RHBDL3: variants seen among roughly 807,000 people sequenced by gnomAD.
RHBDL3 encodes rhomboid-related protein 3.
RHBDL3 carries 28 observed loss-of-function variants against 48.2 expected under a neutral mutation model. The ratio of observed to expected loss-of-function variants is 0.58; its 90% CI spans 0.43 to 0.80. RHBDL3 has a LOEUF of 0.80. RHBDL3 is among the 30% of genes least tolerant of loss of function. The pLI, the probability that RHBDL3 is intolerant of heterozygous loss-of-function variation, is 0.00. For missense variants in RHBDL3, 464 were observed against 542.7 expected (o/e 0.85, Z 1.44); for synonymous variants, 208 against 232.3 (o/e 0.90, Z 0.95).
At chr17:32,297,915 C>G (rs116199809) in intron 5 of RHBDL3, among the ~76,000 whole-genome samples, 177 bp from the exon 6 acceptor site, 107 of 152,250 alleles carry the variant, frequency 7.0e-4, no homozygotes, top group African/African-American at 2.5e-3. Context: ...ACACTCTTTC[C>G]AAGATGGTCT....
At chr17:32,282,745 C>G (rs549387887) in intron 2 of RHBDL3, among the ~76,000 whole-genome samples, 1 of 152,120 alleles carries the variant, frequency 6.6e-6, no homozygotes, top group South Asian at 2.1e-4. Flanking sequence ...GCCTCAGCCT[C>G]CCAAGTAGCT....
chr17:32,320,633 C>A (rs1356150112), intron 8 of RHBDL3, among the ~76,000 whole-genome samples: 1 of 152,228 alleles, frequency 6.6e-6, no homozygotes, highest in African/African-American at 2.4e-5. Context: ...CAAATGTCAC[C>A]TCTTTAGAGA....
Position 32,321,607 on chromosome 17 carries a change from C to T in RHBDL3, c.*378C>T, listed in dbSNP as rs557824935. On this transcript the variant is annotated 3_prime_UTR_variant, in exon 9 of 9. Coordinates refer to ENST00000269051, the MANE Select transcript of RHBDL3 (RefSeq NM_138328.3). The stretch of plus-strand genomic sequence containing the variant: ...TTCCTCCTCCTCTACCCTCAGAGAC[C>T]CTAAGAGACATGGGAAGGCTCGAAG... 5.0e-5 allele frequency: 19 copies of T among 378,824 alleles called. No homozygotes were observed. The highest frequency in any genetic ancestry group is 3.9e-4 in the African/African-American group (19 of 48,352). The allele number at this position is 378,824 out of a possible 1,614,324, so 23.5% of individuals were successfully genotyped here.
intron 2 of RHBDL3, among the ~76,000 whole-genome samples, chr17:32,269,760 T>C (rs923931265): frequency 1.3e-5 from 2 of 152,290 alleles, no homozygotes; most frequent in East Asian, 3.9e-4. Flanking sequence ...TCTTTTTTTT[T>C]CTCTGTCTGT....
intron 2 of RHBDL3, among the ~76,000 whole-genome samples, chr17:32,276,503 A>G (rs578193143): frequency 6.6e-6 from 1 of 152,116 alleles, no homozygotes; most frequent in East Asian, 1.9e-4. Context: ...GGGTGGGGAG[A>G]GCTCTGCTGA....
intron 7 of RHBDL3, among the ~76,000 whole-genome samples, chr17:32,309,012 G>A (rs1597679978): frequency 1.3e-5 from 2 of 151,258 alleles, no homozygotes; most frequent in African/African-American, 2.4e-5. Context: ...GTTGCAGTGA[G>A]CCGAGATCAC....
chr17:32,286,731 G>A (rs1419506847), intron 3 of RHBDL3, among the ~76,000 whole-genome samples: 1 of 152,178 alleles, frequency 6.6e-6, no homozygotes, highest in African/African-American at 2.4e-5. Context: ...CTCTCTCGTA[G>A]TACAGACCGC....
Position 32,321,391 on chromosome 17 carries a change from A to G in RHBDL3, c.*162A>G. On this transcript the variant is annotated 3_prime_UTR_variant, in exon 9 of 9. Transcript: ENST00000269051. ...GTTTAGATTTGGACACACAGTGGAG[A>G]CCCTTTTCTGAAAGGCATCTGGCGG... 1 of 1,530,742 alleles carries G rather than the reference A, an allele frequency of 6.5e-7. No individual in the cohort carries two copies. Among genetic ancestry groups the G allele is most frequent in the Non-Finnish European group, 8.8e-7 (1 of 1,142,790 alleles). The allele number at this position is 1,530,742 out of a possible 1,614,324, so 94.8% of individuals were successfully genotyped here. A position where few individuals can be genotyped will look rare whatever the true frequency, so the allele number is the denominator to read the frequency against.
intron 6 of RHBDL3, among the ~76,000 whole-genome samples, chr17:32,299,219 G>A (rs915881330): frequency 2.0e-5 from 3 of 152,102 alleles, no homozygotes; most frequent in Non-Finnish European, 4.4e-5. Flanking sequence ...AGGCAGGCAG[G>A]GACCCTGGGA....
chr17:32,302,285 T>C (rs1168959897), intron 6 of RHBDL3, among the ~76,000 whole-genome samples: 1 of 152,228 alleles, frequency 6.6e-6, no homozygotes, highest in East Asian at 1.9e-4. Context: ...GCCCCATGTT[T>C]GTCTTTGGTC....
chr17:32,289,666 A>G (rs1032572432), intron 4 of RHBDL3, among the ~76,000 whole-genome samples: 16 of 152,218 alleles, frequency 1.1e-4, no homozygotes, highest in Non-Finnish European at 1.8e-4. Flanking sequence ...AACAGAATCC[A>G]AAGGTACCCC....
intron 5 of RHBDL3, among the ~76,000 whole-genome samples, chr17:32,297,652 CTTTTTTT>C (rs71362824): frequency 3.3e-4 from 17 of 50,940 alleles, no homozygotes; most frequent in Non-Finnish European, 7.6e-5. Context: ...GTTGCTGGAT[CTTTTTTT>C]TTTTTTTTTT....
chr17:32,291,734 A>G (rs1401604521), intron 4 of RHBDL3, among the ~76,000 whole-genome samples: 1 of 151,590 alleles, frequency 6.6e-6, no homozygotes, highest in Non-Finnish European at 1.5e-5. Context: ...GGAGAAACAA[A>G]TCACTCTTAT....
At chr17:32,286,740 G>A (rs578178759) in intron 3 of RHBDL3, among the ~76,000 whole-genome samples, 4 of 152,236 alleles carry the variant, frequency 2.6e-5, no homozygotes, top group South Asian at 4.2e-4. Context: ...AGTACAGACC[G>A]CCACACTGCA....
intron 8 of RHBDL3, among the ~76,000 whole-genome samples, chr17:32,320,708 C>G (rs1001456149): frequency 6.6e-6 from 1 of 152,214 alleles, no homozygotes; most frequent in African/African-American, 2.4e-5. Context: ...TTTTAATCAC[C>G]TGTTTCCCCC....
intron 6 of RHBDL3, among the ~76,000 whole-genome samples, chr17:32,300,088 T>A (rs1478631683): frequency 6.6e-6 from 1 of 152,182 alleles, no homozygotes; most frequent in African/African-American, 2.4e-5. Context: ...AGCACAGATA[T>A]GGAAACCAAG....
Position 32,301,659 on chromosome 17 carries a change from G to A in RHBDL3, c.781+3455G>A, listed in dbSNP as rs375290593. The stretch of plus-strand genomic sequence containing the variant: ...AACATGGTGAAACCCTGTCTCTACT[G>A]AAAATACAAAAATTAGCTGGGCATG... On this transcript the variant is annotated intron_variant, in intron 6 of 8. Coordinates refer to ENST00000269051, the MANE Select transcript of RHBDL3 (RefSeq NM_138328.3). 1.8e-4 allele frequency among the ~76,000 whole-genome samples: 28 copies of A among 151,842 alleles called. No individual in the cohort carries two copies. The East Asian group carries it at 4.9e-3, about 26-fold the overall frequency.
intron 5 of RHBDL3, among the ~76,000 whole-genome samples, chr17:32,295,208 C>A (rs2040420581): frequency 6.6e-6 from 1 of 152,214 alleles, no homozygotes; most frequent in Non-Finnish European, 1.5e-5. Flanking sequence ...GGGGGTCACT[C>A]TGGCCCCAAT....
intron 7 of RHBDL3, among the ~76,000 whole-genome samples, chr17:32,310,943 G>T (rs1003735606): frequency 1.4e-5 from 2 of 139,534 alleles, no homozygotes; most frequent in Admixed American, 1.4e-4. Flanking sequence ...GTAGGACAAA[G>T]AATCAACTCC....
Sources: gnomAD v4.1 joint callset for allele counts (sites outside exome capture counted in the v4.1 genomes callset) on GRCh38, gnomAD v4.1.1 for gene constraint, MANE v1.5 for transcripts, NCBI Gene and HGNC (gene_info 2026-07-23, HGNC 2026-07-21) for gene names.